RALGAPA2: variants seen among roughly 807,000 people sequenced by gnomAD.
The protein encoded by RALGAPA2 is ral GTPase-activating protein subunit alpha-2.
A neutral mutation model predicts 230.4 loss-of-function variants in RALGAPA2; 139 were observed. That is an observed-to-expected ratio of 0.60 (90% CI 0.53 to 0.69). RALGAPA2 has a LOEUF of 0.69. Among genes scored for constraint, RALGAPA2 ranks in the 30% least tolerant of loss-of-function variants. RALGAPA2 has a pLI of 0.00. For synonymous variants in RALGAPA2, 847 were observed against 837.8 expected, an observed-to-expected ratio of 1.01 and a Z score of -0.19; for missense variants, 2,163 against 2,276.0, an observed-to-expected ratio of 0.95 and a Z score of 1.01.
chr20:20,553,467 G>A lies in RALGAPA2; in HGVS notation c.3157-6635C>T, dbSNP rs550575237. 1.4e-4 allele frequency among the ~76,000 whole-genome samples: 22 copies of A among 152,132 alleles called. No homozygotes were observed. The South Asian group carries it at 1.7e-3, about 11-fold the overall frequency. ...CTTGGGAAGATGAGATGGGAGGATC[G>A]CTTGAGCCTGGGACATCAAGGCTGC... On this transcript the variant is annotated intron_variant, in intron 23 of 39. Coordinates refer to ENST00000202677, the MANE Select transcript of RALGAPA2 (RefSeq NM_020343.4).
intron 37 of RALGAPA2, among the ~76,000 whole-genome samples, chr20:20,468,428 A>G (rs1277272217): frequency 5.6e-5 from 1 of 17,920 alleles, no homozygotes; most frequent in East Asian, 1.8e-3. Flanking sequence ...TGTTGACCTC[A>G]CTCAGGAGTG....
intron 38 of RALGAPA2, among the ~76,000 whole-genome samples, chr20:20,404,962 T>C (rs1265157436): frequency 6.6e-6 from 1 of 152,320 alleles, no homozygotes; most frequent in African/African-American, 2.4e-5. Context: ...GTCAGGAGTG[T>C]CACTGTCCCC....
intron 24 of RALGAPA2, among the ~76,000 whole-genome samples, chr20:20,542,872 A>G (rs2063685536): frequency 6.6e-6 from 1 of 152,196 alleles, no homozygotes; most frequent in Non-Finnish European, 1.5e-5. Context: ...TGACCTAAAC[A>G]CCAAAAGCAA....
At chr20:20,649,684 A>G (rs1375840003) in intron 4 of RALGAPA2, among the ~76,000 whole-genome samples, 1 of 152,172 alleles carries the variant, frequency 6.6e-6, no homozygotes, top group Non-Finnish European at 1.5e-5. Flanking sequence ...ATAATTATTG[A>G]GTTCGGGCAC....
chr20:20,615,914 A>C, intron 13 of RALGAPA2, 129 bp downstream of exon 13: 1 of 668,220 alleles, frequency 1.5e-6, no homozygotes, highest in Non-Finnish European at 2.3e-6. Context: ...ATTCACAGAA[A>C]CTGTTACAAA....
intron 1 of RALGAPA2, among the ~76,000 whole-genome samples, chr20:20,705,927 A>G (rs2069583328): frequency 6.6e-6 from 1 of 152,150 alleles, no homozygotes; most frequent in African/African-American, 2.4e-5. Flanking sequence ...TCGGCCTCCC[A>G]AAGTGTTGGG....
rs112237375 is a variant in RALGAPA2 at position 20,435,780 on chromosome 20, C to T, written c.5496-23632G>A. Among the ~76,000 whole-genome samples, 189 of 152,338 alleles carry T rather than the reference C, an allele frequency of 1.2e-3. 1 individual carries two copies. The highest frequency in any genetic ancestry group is 4.2e-3 in the African/African-American group (175 of 41,578). On this transcript the variant is annotated intron_variant, in intron 37 of 39. Transcript: ENST00000202677. ...TCACGAAGGGAACGAGGGACCCCGACACTGGGATGTGTCTGTGGACACTGC... is the reference window on the plus strand; with the variant it reads ...TCACGAAGGGAACGAGGGACCCCGATACTGGGATGTGTCTGTGGACACTGC...
intron 24 of RALGAPA2, among the ~76,000 whole-genome samples, chr20:20,537,357 C>T (rs1415857941): frequency 1.3e-5 from 2 of 152,098 alleles, no homozygotes; most frequent in Non-Finnish European, 2.9e-5. Context: ...CGGTGGCTCA[C>T]ACCTGTAATC....
At chr20:20,483,542 C>CT (rs2061831996) in intron 36 of RALGAPA2, among the ~76,000 whole-genome samples, 1 of 152,090 alleles carries the variant, frequency 6.6e-6, no homozygotes, top group Non-Finnish European at 1.5e-5. Context: ...GGCATCAGGA[C>CT]CATCCATCAA....
intron 37 of RALGAPA2, among the ~76,000 whole-genome samples, chr20:20,433,857 TGAAATTCC>T (rs1273722567): frequency 5.9e-5 from 9 of 152,222 alleles, no homozygotes; most frequent in Admixed American, 5.2e-4. Context: ...TATACATCAG[TGAAATTCC>T]GAAATTTATC....
chr20:20,443,529 C>T (rs1453888760), intron 37 of RALGAPA2, among the ~76,000 whole-genome samples: 1 of 152,190 alleles, frequency 6.6e-6, no homozygotes, highest in African/African-American at 2.4e-5. Flanking sequence ...GAAGCTGGTG[C>T]TATTTGTCTT....
rs909381239 is a variant in RALGAPA2 at position 20,593,974 on chromosome 20, G to A, written c.2204-2660C>T. 1.5e-4 allele frequency among the ~76,000 whole-genome samples: 23 copies of A among 152,284 alleles called. 1 individual carries two copies. The highest frequency in any genetic ancestry group is 4.8e-4 in the African/African-American group (20 of 41,548). ...TTTTTATAAAGCTGTCAGGAGGGAC[G>A]TATCAGATGGAGAAAGTCCAAGCCT... On this transcript the variant is annotated intron_variant, in intron 16 of 39. Transcript: ENST00000202677.
chr20:20,540,235 T>C (rs1190399510), intron 24 of RALGAPA2, among the ~76,000 whole-genome samples: 2 of 152,182 alleles, frequency 1.3e-5, no homozygotes, highest in Non-Finnish European at 2.9e-5. Flanking sequence ...AAAAGTGTAG[T>C]ACACGGGGAT....
At chr20:20,485,423 T>C (rs186596873) in intron 36 of RALGAPA2, among the ~76,000 whole-genome samples, 50 of 152,362 alleles carry the variant, frequency 3.3e-4, no homozygotes, top group Non-Finnish European at 6.0e-4. Context: ...TTGGCTTCTT[T>C]GGCACCCACT....
At chr20:20,568,680 A>T (rs974383680) in intron 23 of RALGAPA2, among the ~76,000 whole-genome samples, 10 of 152,212 alleles carry the variant, frequency 6.6e-5, no homozygotes, top group Non-Finnish European at 1.2e-4. Flanking sequence ...TACTGACATA[A>T]TTTTGATACC....
intron 37 of RALGAPA2, among the ~76,000 whole-genome samples, chr20:20,432,750 T>C (rs1392502877): frequency 3.3e-5 from 5 of 152,212 alleles, no homozygotes; most frequent in South Asian, 4.1e-4. Context: ...AAATGAATTC[T>C]AATCTCTCCA....
At chr20:20,641,509 A>G (rs1401828716) in intron 5 of RALGAPA2, among the ~76,000 whole-genome samples, 1 of 152,164 alleles carries the variant, frequency 6.6e-6, no homozygotes, top group East Asian at 1.9e-4. Flanking sequence ...CACCTTTGCC[A>G]TGCTCTGAAT....
intron 38 of RALGAPA2, among the ~76,000 whole-genome samples, chr20:20,407,989 C>G (rs536087375): frequency 1.7e-4 from 26 of 152,300 alleles, no homozygotes; most frequent in African/African-American, 6.3e-4. Flanking sequence ...CCTTGACAAT[C>G]CAGCCTATCA....
At chr20:20,481,429 G>A (rs2061772653) in intron 36 of RALGAPA2, among the ~76,000 whole-genome samples, 1 of 152,156 alleles carries the variant, frequency 6.6e-6, no homozygotes, top group Non-Finnish European at 1.5e-5. Context: ...CTACCGAGAG[G>A]CAGGCCACAT....
Sources: allele counts gnomAD v4.1 joint callset (sites outside exome capture counted in the v4.1 genomes callset), GRCh38; gene constraint gnomAD v4.1.1; transcripts MANE v1.5; gene names NCBI Gene and HGNC (gene_info 2026-07-23, HGNC 2026-07-21).